The following TMEM255A variants were observed in gnomAD, a reference collection of about 807,000 sequenced individuals.
TMEM255A encodes family with sequence similarity 70, member A.
In TMEM255A, 14 loss-of-function variants were observed where a neutral mutation model predicts 23.5. That is an observed-to-expected ratio of 0.60 (90% CI 0.39 to 0.93). The LOEUF (loss-of-function observed/expected upper bound fraction) is 0.93. TMEM255A is among the 40% of genes least tolerant of loss of function. The pLI is 0.00. For synonymous variants in TMEM255A, 104 were observed against 100.3 expected, an observed-to-expected ratio of 1.04 and a Z score of -0.22; for missense variants, 233 against 261.7, an observed-to-expected ratio of 0.89 and a Z score of 0.76.
rs782026335 is a variant in TMEM255A at position 120,268,165 on chromosome X, A to C, written c.819+79T>G. On this transcript the variant is annotated intron_variant, in intron 8 of 8. Transcript: ENST00000371369. ...TATGCAGACAATGGAAAGGTTCCAT[A>C]ATTGAATTTAGGGAGAGAACAAGAG... The C allele has an allele frequency of 2.0e-4, 208 of 1,041,450 alleles. No individual in the cohort carries two copies. In the African/African-American group the frequency reaches 3.0e-3, roughly 15 times the overall value. 85.8% of individuals were successfully genotyped at this position (1,041,450 alleles called of 1,213,427 possible).
chrX:120,270,802 C>T (rs943271100), intron 7 of TMEM255A, among the ~76,000 whole-genome samples: 4 of 110,780 alleles, frequency 3.6e-5, no homozygotes, highest in African/African-American at 9.9e-5. Context: ...CCAGCACCCC[C>T]GGGCCTCCCT....
At chrX:120,268,184 A>G (rs999508578) in intron 8 of TMEM255A, 60 bp downstream of exon 8, 3 of 1,123,730 alleles carry the variant, frequency 2.7e-6, no homozygotes, top group Non-Finnish European at 3.6e-6. Context: ...TAGGGAGAGA[A>G]CAAGAGAGCA....
At chrX:120,253,561 TTC>T in the TMEM255A span, 1 of 1,212,135 alleles carries the variant, frequency 8.2e-7, no homozygotes, top group Non-Finnish European at 1.1e-6. Context: ...CACAAGAATA[TTC>T]TTTCAGCTTC....
rs146023815 is a variant in TMEM255A at position 120,308,731 on chromosome X, G to C, written c.58+2521C>G. 5.4e-3 allele frequency among the ~76,000 whole-genome samples: 602 copies of C among 111,983 alleles called. 5 individuals are homozygous for C. The highest frequency in any genetic ancestry group is 0.018 in the African/African-American group (559 of 30,792). On this transcript the variant is annotated intron_variant, in intron 1 of 8. Coordinates refer to ENST00000371369, the MANE Select transcript of TMEM255A (RefSeq NM_001104544.3). ...CCTACTGTAGTAGAGGTGCCTTTGC[G>C]CCTGGGGGCGGTGTTGCCAAAAGGG...
intron 8 of TMEM255A, among the ~76,000 whole-genome samples, chrX:120,263,499 T>A (rs1225755123): frequency 9.0e-6 from 1 of 111,689 alleles, no homozygotes; most frequent in Non-Finnish European, 1.9e-5. Flanking sequence ...GCCTGATGGC[T>A]GACCCACACC....
intron 5 of TMEM255A, 100 bp downstream of exon 5, chrX:120,287,054 T>A (rs2057880322): frequency 1.4e-6 from 1 of 726,699 alleles, no homozygotes. Context: ...TACCTAGAAA[T>A]AAAACTTAGG....
chrX:120,267,634 G>T (rs1201555293), intron 8 of TMEM255A, among the ~76,000 whole-genome samples: 1 of 112,118 alleles, frequency 8.9e-6, no homozygotes, highest in Admixed American at 9.4e-5. Flanking sequence ...CAGTTCAAAA[G>T]GAAAAGGGGA....
At chrX:120,299,675 G>T (rs2058020819) in intron 2 of TMEM255A, among the ~76,000 whole-genome samples, 1 of 112,169 alleles carries the variant, frequency 8.9e-6, no homozygotes, top group African/African-American at 3.2e-5. Flanking sequence ...AATGAACTTA[G>T]ATTTTAGAAA....
At chrX:120,276,618 C>T (rs2147190149) in intron 7 of TMEM255A, among the ~76,000 whole-genome samples, 1 of 111,588 alleles carries the variant, frequency 9.0e-6, no homozygotes, top group African/African-American at 3.3e-5. Flanking sequence ...AATGGGGGAA[C>T]TGAGAACACC....
At chrX:120,255,366 T>A (rs1310943175), downstream of TMEM255A, 1 of 1,209,957 alleles carries the variant, frequency 8.3e-7, no homozygotes, top group Non-Finnish European at 1.1e-6. Context: ...GGAAAATGAT[T>A]CAATTTTTAA....
chrX:120,296,982 T>C (rs868975785), intron 2 of TMEM255A, among the ~76,000 whole-genome samples: 1 of 2,761 alleles, frequency 3.6e-4, no homozygotes, highest in African/African-American at 2.8e-3. Context: ...TTATATATAT[T>C]ATATATATAT....
chrX:120,254,046 A>G (rs782605695), downstream of TMEM255A: 15 of 1,208,658 alleles, frequency 1.2e-5, no homozygotes, highest in Non-Finnish European at 1.7e-5. Flanking sequence ...TTTGCCGAGT[A>G]ATAACACAGT....
At chrX:120,299,088 A>G (rs1305679124) in intron 2 of TMEM255A, among the ~76,000 whole-genome samples, 1 of 112,018 alleles carries the variant, frequency 8.9e-6, no homozygotes, top group African/African-American at 3.2e-5. Flanking sequence ...CAGGGAGCCA[A>G]TGAAGGTGAG....
Position 120,311,248 on chromosome X carries a change from T to A in TMEM255A, c.58+4A>T, listed in dbSNP as rs1471387650. 3 of 1,178,767 alleles carry A rather than the reference T, an allele frequency of 2.5e-6. No individual in the cohort carries two copies. The highest frequency in any genetic ancestry group is 3.4e-6 in the Non-Finnish European group (3 of 878,540). On this transcript the variant is annotated splice_donor_region_variant and intron_variant, in intron 1 of 8. Transcript: ENST00000371369. Reference sequence around the variant, plus strand: ...CCGCCCGAAGGAAGGGCCGCTAGACTTACCCATGGAATCGGGCAGGGACAT... The same window carrying A: ...CCGCCCGAAGGAAGGGCCGCTAGACATACCCATGGAATCGGGCAGGGACAT...
the TMEM255A span, among the ~76,000 whole-genome samples, chrX:120,252,501 A>G: frequency 1.8e-5 from 2 of 112,032 alleles, no homozygotes; most frequent in African/African-American, 6.5e-5. Context: ...AGTCTATTCC[A>G]ATAAGTTAAT....
At chrX:120,293,875 T>C in intron 3 of TMEM255A, 114 bp downstream of exon 3, 1 of 512,869 alleles carries the variant, frequency 1.9e-6, no homozygotes, top group South Asian at 2.6e-5. Flanking sequence ...AACGGCAAAG[T>C]AGCAGTTCCT....
At chrX:120,263,646 C>A (rs1283860625) in intron 8 of TMEM255A, among the ~76,000 whole-genome samples, 1 of 111,122 alleles carries the variant, frequency 9.0e-6, no homozygotes, top group Non-Finnish European at 1.9e-5. Context: ...GGTAAAATCC[C>A]AGCATCTGTC....
chrX:120,294,311 G>A (rs1019734265), intron 2 of TMEM255A, among the ~76,000 whole-genome samples: 1 of 106,925 alleles, frequency 9.4e-6, no homozygotes, highest in Non-Finnish European at 1.9e-5. Context: ...GCGGGCGCCT[G>A]TAGTCCCAGC....
At chrX:120,308,077 C>A (rs2058075873) in intron 1 of TMEM255A, among the ~76,000 whole-genome samples, 1 of 112,283 alleles carries the variant, frequency 8.9e-6, no homozygotes, top group Non-Finnish European at 1.9e-5. Context: ...GAAACATGCT[C>A]AAAATTCCCC....
Sources: gnomAD v4.1 joint callset for allele counts (sites outside exome capture counted in the v4.1 genomes callset) on GRCh38, gnomAD v4.1.1 for gene constraint, MANE v1.5 for transcripts, NCBI Gene and HGNC (gene_info 2026-07-23, HGNC 2026-07-21) for gene names.